AK9: variants seen among roughly 807,000 people sequenced by gnomAD.
AK9 encodes adenylate kinase 9, also known as adenylate kinase domain containing 1.
Under a neutral mutation model 239.6 loss-of-function variants are expected in AK9, and 191 were observed. The observed-to-expected ratio is 0.80, with a 90% CI of 0.71 to 0.90. AK9 has a LOEUF of 0.90. Ranked by LOEUF, AK9 falls within the 40% of genes least tolerant of loss-of-function variation. AK9 has a pLI of 0.00. For synonymous variants in AK9, 689 were observed against 721.0 expected (o/e 0.96, Z 0.71); for missense variants, 1,995 against 2,214.7 (o/e 0.90, Z 1.99).
chr6:109,521,007 G>GT (rs1484920729), intron 29 of AK9, among the ~76,000 whole-genome samples: 6 of 152,092 alleles, frequency 3.9e-5, no homozygotes, highest in Non-Finnish European at 8.8e-5. Flanking sequence ...TTTTGGCAGA[G>GT]TCTTTAGGGT....
chr6:109,552,719 T>G (rs1784513670), intron 24 of AK9, among the ~76,000 whole-genome samples: 1 of 152,230 alleles, frequency 6.6e-6, no homozygotes, highest in Non-Finnish European at 1.5e-5. Flanking sequence ...TAGATCCCAT[T>G]TGTCAACTGT....
intron 35 of AK9, among the ~76,000 whole-genome samples, chr6:109,500,641 A>T (rs1777515477): frequency 2.0e-5 from 3 of 152,210 alleles, no homozygotes; most frequent in Admixed American, 2.0e-4. Context: ...TCTGCAATGT[A>T]CTATTACAGC....
Position 109,533,313 on chromosome 6 carries a change from G to C in AK9, c.3508C>G (p.Leu1170Val). 1 of 1,611,502 alleles carries C rather than the reference G, an allele frequency of 6.2e-7. No homozygotes were observed. The highest frequency in any genetic ancestry group is 1.1e-5 in the South Asian group (1 of 90,346). Residue 1170 changes from leucine to valine, a missense_variant, in exon 28 of 41, where the codon CTA becomes GTA. Physicochemically the swap from Leu to Val is conservative, Grantham distance 32. Transcript: ENST00000424296. ...CTTTCTAATTTCTTCTTTTGTTTTA[G>C]TTTCCACTTTTCAATTTGGGCAGGA... Reference protein sequence around the residue: ...LLPAQIEKWKLKQKKKLERKK... With the variant: ...LLPAQIEKWKVKQKKKLERKK...
intron 24 of AK9, among the ~76,000 whole-genome samples, chr6:109,556,838 T>C (rs1030123608): frequency 2.0e-5 from 3 of 152,066 alleles, no homozygotes; most frequent in Non-Finnish European, 4.4e-5. Context: ...GTTCTCATGC[T>C]GTGTTTTTCA....
intron 29 of AK9, among the ~76,000 whole-genome samples, chr6:109,521,159 C>A (rs1779822848): frequency 6.6e-6 from 1 of 152,032 alleles, no homozygotes; most frequent in Non-Finnish European, 1.5e-5. Flanking sequence ...TATCACAGTT[C>A]ATTTAATCAT....
rs57215335 is a variant in AK9, at chr6:109,682,426, C to CAAAAAAAAAAAA, written c.-11-6682_-11-6671dup. 9.1e-3 allele frequency among the ~76,000 whole-genome samples: 617 copies of CAAAAAAAAAAAA among 68,170 alleles called. 16 individuals are homozygous for CAAAAAAAAAAAA. Among genetic ancestry groups the CAAAAAAAAAAAA allele is most frequent in the Non-Finnish European group, 0.013 (467 of 35,356 alleles). 44.7% of individuals were successfully genotyped at this position (68,170 alleles called of 152,430 possible). On this transcript the variant is annotated intron_variant, in intron 1 of 40. Coordinates refer to ENST00000424296, the MANE Select transcript of AK9 (RefSeq NM_001145128.3). ...TGGGTGACAGAGCAAGACTCCGTCTCAAAAAAAAAAAAAAAAAATCAATGA... is the reference window on the plus strand; with the variant it reads ...TGGGTGACAGAGCAAGACTCCGTCTCAAAAAAAAAAAAAAAAAAAAAAAAAAAAAATCAATGA...
At chr6:109,614,359 A>G (rs1465979094) in intron 14 of AK9, 26 bp downstream of exon 14, 3 of 1,549,858 alleles carry the variant, frequency 1.9e-6, no homozygotes, top group Admixed American at 3.9e-5. Flanking sequence ...GATTTGGTCA[A>G]TAACATCAGC....
chr6:109,612,580 C>T (rs187486512), intron 15 of AK9, among the ~76,000 whole-genome samples: 4 of 152,162 alleles, frequency 2.6e-5, no homozygotes, highest in Admixed American at 2.6e-4. Context: ...AACTCCACAG[C>T]AGCAAAGATG....
chr6:109,580,987 CTCAT>C (rs1398932339), intron 19 of AK9, among the ~76,000 whole-genome samples: 2 of 151,998 alleles, frequency 1.3e-5, no homozygotes, highest in Non-Finnish European at 1.5e-5. Context: ...TTCAAACTTC[CTCAT>C]TATTATTATG....
chr6:109,509,845 T>C (rs969695020), intron 32 of AK9, among the ~76,000 whole-genome samples: 1 of 151,948 alleles, frequency 6.6e-6, no homozygotes, highest in Non-Finnish European at 1.5e-5. Flanking sequence ...TGGGTGCAGC[T>C]TGGGGGGTTT....
intron 10 of AK9, among the ~76,000 whole-genome samples, chr6:109,636,346 T>G (rs1398849309): frequency 6.6e-6 from 1 of 152,178 alleles, no homozygotes; most frequent in Non-Finnish European, 1.5e-5. Flanking sequence ...AGCTGCATAG[T>G]AGAATCTCCT....
chr6:109,603,072 C>T (rs1192822238), intron 17 of AK9, among the ~76,000 whole-genome samples: 6 of 152,198 alleles, frequency 3.9e-5, no homozygotes, highest in African/African-American at 1.2e-4. Flanking sequence ...TCTCTCCGCT[C>T]GTCAAGGTCA....
intron 32 of AK9, among the ~76,000 whole-genome samples, chr6:109,513,257 T>C (rs1436704294): frequency 6.6e-6 from 1 of 152,216 alleles, no homozygotes; most frequent in African/African-American, 2.4e-5. Context: ...TTTCTTGTAT[T>C]GTCTTGGTTA....
intron 8 of AK9, among the ~76,000 whole-genome samples, chr6:109,652,249 C>T (rs372492130): frequency 6.6e-6 from 1 of 152,220 alleles, no homozygotes; most frequent in South Asian, 2.1e-4. Flanking sequence ...GCTGGTTCAA[C>T]ATACGCAAAT....
At chr6:109,657,582 GGTAT>G (rs1283640823) in intron 7 of AK9, among the ~76,000 whole-genome samples, 1 of 151,576 alleles carries the variant, frequency 6.6e-6, no homozygotes, top group Admixed American at 6.6e-5. Context: ...TAAGTTCTAG[GGTAT>G]GTGTGCACAA....
At chr6:109,645,888 G>C (rs140977597) in intron 8 of AK9, among the ~76,000 whole-genome samples, 1,653 of 152,334 alleles carry the variant, frequency 0.011, 28 homozygotes, top group African/African-American at 0.038. Context: ...AACATTTGCT[G>C]TTCTGCAATA....
chr6:109,497,768 C>A, intron 37 of AK9, 28 bp downstream of exon 37: 1 of 1,602,836 alleles, frequency 6.2e-7, no homozygotes, highest in Non-Finnish European at 8.5e-7. Context: ...CAATATCATT[C>A]TATACTTCCA....
intron 23 of AK9, 142 bp downstream of exon 23, chr6:109,563,938 T>C: frequency 9.7e-7 from 1 of 1,034,118 alleles, no homozygotes; most frequent in Non-Finnish European, 1.4e-6. Context: ...TGCACAGTGA[T>C]AGTTGCTAAG....
Position 109,545,868 on chromosome 6 carries a change from T to C in AK9, c.3224A>G (p.Gln1075Arg). ...AAAAACAAAAAAAGAGATTACTACC[T>C]GCTTTTTTGTATTTTCTTCCTCAAC... The part of the protein sequence containing the change: ...VKVEEENTKK[Q>R]LPEVQLTEEE... The change falls in exon 26 of 41, where the codon CAG becomes CGG. Residue 1075 changes from glutamine (Q) to arginine (R), a missense_variant and splice_region_variant. Gln to Arg is a conservative substitution (Grantham distance 43). Around this residue, in one of 5 missense-constraint regions of AK9, gnomAD observed 1,290 missense variants for 1,392.7 expected, o/e 0.93. Transcript: ENST00000424296. 6.3e-7 allele frequency: 1 copy of C among 1,588,870 alleles called. No individual in the cohort carries two copies. Among genetic ancestry groups the C allele is most frequent in the South Asian group, 1.2e-5 (1 of 85,656 alleles).
Sources: gnomAD v4.1 joint callset for allele counts (sites outside exome capture counted in the v4.1 genomes callset) on GRCh38, gnomAD v4.1.1 for gene constraint, gnomAD v4.1.1 regional missense constraint, MANE v1.5 for transcripts, NCBI Gene and HGNC (gene_info 2026-07-23, HGNC 2026-07-21) for gene names.